HPCA: variants seen among roughly 807,000 people sequenced by gnomAD.
The protein encoded by HPCA is neuron-specific calcium-binding protein hippocalcin.
In HPCA, 4 loss-of-function variants were observed where a neutral mutation model predicts 18.2. The ratio of observed to expected loss-of-function variants is 0.22; its 90% CI spans 0.11 to 0.50. HPCA has a LOEUF of 0.50. Among genes scored for constraint, HPCA ranks in the 20% least tolerant of loss-of-function variants. The pLI, the probability that HPCA is intolerant of heterozygous loss-of-function variation, is 0.97. For synonymous variants in HPCA, 93 were observed against 103.5 expected (o/e 0.90, Z 0.61); for missense variants, 161 against 265.8 (o/e 0.61, Z 2.74).
At chr1:32,892,586 C>T (rs973702459) in intron 2 of HPCA, among the ~76,000 whole-genome samples, 63 of 152,082 alleles carry the variant, frequency 4.1e-4, no homozygotes, top group Non-Finnish European at 6.8e-4. Context: ...AGGCTGGGGA[C>T]GTAACAGTGG....
intron 2 of HPCA, among the ~76,000 whole-genome samples, chr1:32,892,917 C>G (rs1022780070): frequency 4.6e-5 from 7 of 152,310 alleles, no homozygotes; most frequent in Admixed American, 3.9e-4. Context: ...CTCTGCCCAG[C>G]CCAGCCTAGC....
At position 32,893,983 on chromosome 1, in the gene HPCA, C is replaced by T; in HGVS notation, c.*121C>T. On this transcript the variant is annotated 3_prime_UTR_variant, in exon 4 of 4. Coordinates refer to ENST00000373467, the MANE Select transcript of HPCA (RefSeq NM_002143.3). The surrounding 1 kb of genome is among the most constrained non-coding windows in gnomAD (Gnocchi z 7.5). ...GGGGAAGCCCTTCTCCCCGGGTCTGCCCTGTGGGGGGCTTCCGGAAAAGGG... is the reference window on the plus strand; with the variant it reads ...GGGGAAGCCCTTCTCCCCGGGTCTGTCCTGTGGGGGGCTTCCGGAAAAGGG... 1 of 770,110 alleles carries T rather than the reference C, an allele frequency of 1.3e-6. No homozygotes were observed. The highest frequency in any genetic ancestry group is 2.6e-5 in the Admixed American group (1 of 39,134). 47.7% of individuals were successfully genotyped at this position (770,110 alleles called of 1,614,324 possible).
rs2124032376 is a variant in HPCA, at chr1:32,893,950, GC to G, written c.*90del. On this transcript the variant is annotated 3_prime_UTR_variant, in exon 4 of 4. Transcript: ENST00000373467. This position sits in a 1 kb window ranked among gnomAD's most constrained non-coding sequence, Gnocchi z 7.5. Reference sequence around the variant, plus strand: ...TCCCTTGTGTGTATTCTGGCTGGGGGCCAGATTGGGGAAGCCCTTCTCCCCG... The same window carrying G: ...TCCCTTGTGTGTATTCTGGCTGGGGGCAGATTGGGGAAGCCCTTCTCCCCG... 4.0e-6 allele frequency: 4 copies of G among 1,008,918 alleles called. No homozygotes were observed. The East Asian group carries it at 1.1e-4, about 27-fold the overall frequency. The allele number at this position is 1,008,918 out of a possible 1,614,324, so 62.5% of individuals were successfully genotyped here.
At chr1:32,887,870 G>T (rs1641396180) in intron 1 of HPCA, among the ~76,000 whole-genome samples, 1 of 152,026 alleles carries the variant, frequency 6.6e-6, no homozygotes, top group Non-Finnish European at 1.5e-5. Context: ...ATTCGTGTGA[G>T]TTGTGGAGCA....
chr1:32,892,663 A>G (rs981222539), intron 2 of HPCA, among the ~76,000 whole-genome samples: 6 of 152,194 alleles, frequency 3.9e-5, no homozygotes, highest in Non-Finnish European at 8.8e-5. Flanking sequence ...AGAGGCTGGA[A>G]GAGACCAGTG....
rs556825680 is a variant in HPCA at position 32,887,770 on chromosome 1, C to G, written c.-21-1108C>G. On this transcript the variant is annotated intron_variant, in intron 1 of 3. Transcript: ENST00000373467. ...TGAGAGGTGTCGGCATGCGAGTTGG[C>G]GTGTGATGGCATGTGTGAGACATGT... Among the ~76,000 whole-genome samples, 8 of 152,188 alleles carry G rather than the reference C, an allele frequency of 5.3e-5. No homozygotes were observed. The East Asian group carries it at 1.2e-3, about 22-fold the overall frequency.
chr1:32,890,055 G>T (rs1475633820), intron 2 of HPCA, among the ~76,000 whole-genome samples: 1 of 152,238 alleles, frequency 6.6e-6, no homozygotes. Flanking sequence ...TATGAGCCTA[G>T]CATTGAGTGA....
chr1:32,893,850 C>T lies in HPCA; in HGVS notation c.570C>T (p.Ala190=). ...VRLLQCDPSS[A]SQF ...TGCTGCAGTGCGACCCCAGCAGCGCCTCCCAGTTCTGAGAGGAGCCAGGTT... is the reference window on the plus strand; with the variant it reads ...TGCTGCAGTGCGACCCCAGCAGCGCTTCCCAGTTCTGAGAGGAGCCAGGTT... Residue 190 remains alanine (A), a synonymous_variant, in exon 4 of 4, where the codon GCC becomes GCT. Transcript: ENST00000373467. The surrounding 1 kb of genome is among the most constrained non-coding windows in gnomAD (Gnocchi z 7.5). 1 of 1,569,124 alleles carries T rather than the reference C, an allele frequency of 6.4e-7. No individual in the cohort carries two copies. Among genetic ancestry groups the T allele is most frequent in the African/African-American group, 1.4e-5 (1 of 73,616 alleles).
chr1:32,890,734 T>C (rs1326637182), intron 2 of HPCA, among the ~76,000 whole-genome samples: 1 of 152,210 alleles, frequency 6.6e-6, no homozygotes, highest in African/African-American at 2.4e-5. Flanking sequence ...TCCCTTCTGG[T>C]CCCTCAGCTC....
rs750301601 is a variant in HPCA, at chr1:32,889,157, A to G, written c.259A>G (p.Ile87Val). 4 of 1,614,268 alleles carry G rather than the reference A, an allele frequency of 2.5e-6. No homozygotes were observed. Among genetic ancestry groups the G allele is most frequent in the Non-Finnish European group, 3.4e-6 (4 of 1,180,048 alleles). ...DGTIDFREFI[I>V]ALSVTSRGRL... ...CACCATAGACTTTCGGGAGTTCATC[A>G]TTGCGCTGAGCGTGACCTCGCGCGG... The change falls in exon 2 of 4, where the codon ATT becomes GTT. Residue 87 changes from isoleucine to valine, a missense_variant. Ile to Val is a conservative substitution (Grantham distance 29). Transcript: ENST00000373467. The surrounding 1 kb of genome is among the most constrained non-coding windows in gnomAD (Gnocchi z 4.6).
In HPCA at chr1:32,894,072, C is replaced by T. The variant is rs1435657173; in HGVS notation, c.*210C>T. ...TAGCACCCCCCAATCCCAGAGGCAA[C>T]AATAGAGACACAGGCTGGGTTGGTC... is the stretch of plus-strand genomic sequence containing the variant. On this transcript the variant is annotated 3_prime_UTR_variant, in exon 4 of 4. Coordinates refer to ENST00000373467, the MANE Select transcript of HPCA (RefSeq NM_002143.3). 2 of 570,198 alleles carry T rather than the reference C, an allele frequency of 3.5e-6. No individual in the cohort carries two copies. Among genetic ancestry groups the T allele is most frequent in the African/African-American group, 3.7e-5 (2 of 53,396 alleles). The allele number at this position is 570,198 out of a possible 1,614,324, so 35.3% of individuals were successfully genotyped here. A position where few individuals can be genotyped will look rare whatever the true frequency, so the allele number is the denominator to read the frequency against.
chr1:32,888,865 C>CT lies in HPCA; in HGVS notation c.-21-11dup, dbSNP rs1641411647. 6.3e-7 allele frequency: 1 copy of CT among 1,585,146 alleles called. No individual in the cohort carries two copies. The highest frequency in any genetic ancestry group is 1.3e-5 in the African/African-American group (1 of 74,654). ...ATCACTCCTCTCTGCCCTTGACCCC[C>CT]TTGGGGACCCAGGTGGGACTTGGCT... On this transcript the variant is annotated splice_polypyrimidine_tract_variant and intron_variant, in intron 1 of 3. Coordinates refer to ENST00000373467, the MANE Select transcript of HPCA (RefSeq NM_002143.3).
intron 2 of HPCA, among the ~76,000 whole-genome samples, chr1:32,890,296 G>A (rs75425953): frequency 0.031 from 4,761 of 152,316 alleles, 90 homozygotes; most frequent in Middle Eastern, 0.11. Flanking sequence ...GACTTCACAA[G>A]GAGATTTAAG....
intron 2 of HPCA, among the ~76,000 whole-genome samples, chr1:32,892,355 T>C (rs1045949444): frequency 1.3e-5 from 2 of 152,282 alleles, no homozygotes; most frequent in South Asian, 4.1e-4. Context: ...GGAACAACCC[T>C]GCAAAGACAT....
chr1:32,886,285 G>A (rs1400187501), upstream of HPCA: 1 of 152,146 alleles, frequency 6.6e-6, no homozygotes, highest in Non-Finnish European at 1.5e-5. This position sits in a 1 kb window ranked among gnomAD's most constrained non-coding sequence, Gnocchi z 7.0. Context: ...CCCTCGAGGG[G>A]GACCGGGGAA....
chr1:32,893,976 G>T lies in HPCA; in HGVS notation c.*114G>T, dbSNP rs1440926668. On this transcript the variant is annotated 3_prime_UTR_variant, in exon 4 of 4. Transcript: ENST00000373467. This position sits in a 1 kb window ranked among gnomAD's most constrained non-coding sequence, Gnocchi z 7.5. ...CCAGATTGGGGAAGCCCTTCTCCCC[G>T]GGTCTGCCCTGTGGGGGGCTTCCGG... 5 of 820,442 alleles carry T rather than the reference G, an allele frequency of 6.1e-6. No individual in the cohort carries two copies. The highest frequency in any genetic ancestry group is 9.6e-6 in the Non-Finnish European group (5 of 518,968). 50.8% of individuals were successfully genotyped at this position (820,442 alleles called of 1,614,324 possible).
chr1:32,889,173 C>A lies in HPCA; in HGVS notation c.275C>A (p.Thr92Asn). The change falls in exon 2 of 4, where the codon ACC becomes AAC. Residue 92 changes from threonine (T) to asparagine (N), a missense_variant. By Grantham distance (65) the Thr-to-Asn change is moderately conservative (BLOSUM62 0). Transcript: ENST00000373467. This position sits in a 1 kb window ranked among gnomAD's most constrained non-coding sequence, Gnocchi z 4.6. ...GAGTTCATCATTGCGCTGAGCGTGA[C>A]CTCGCGCGGCCGCCTGGAGCAGAAG... The part of the protein sequence containing the change: ...FREFIIALSV[T>N]SRGRLEQKLM... 2 of 1,614,278 alleles carry A rather than the reference C, an allele frequency of 1.2e-6. No homozygotes were observed. Among genetic ancestry groups the A allele is most frequent in the Non-Finnish European group, 1.7e-6 (2 of 1,180,054 alleles).
rs748820769 is a variant in HPCA, at chr1:32,893,663, C to G, written c.484+34C>G. ...CAGGGGCGGGACGGGGTGGACGGGGCGGGCGCCTTTCCCTCCCTCCCTCCC... is the reference window on the plus strand; with the variant it reads ...CAGGGGCGGGACGGGGTGGACGGGGGGGGCGCCTTTCCCTCCCTCCCTCCC... On this transcript the variant is annotated intron_variant, in intron 3 of 3. Transcript: ENST00000373467. The surrounding 1 kb of genome is among the most constrained non-coding windows in gnomAD (Gnocchi z 7.5). 17 of 1,488,784 alleles carry G rather than the reference C, an allele frequency of 1.1e-5. No homozygotes were observed. The Admixed American group carries it at 1.9e-4, about 16-fold the overall frequency. The allele number at this position is 1,488,784 out of a possible 1,614,324, so 92.2% of individuals were successfully genotyped here.
chr1:32,891,113 G>A (rs1264227598), intron 2 of HPCA, among the ~76,000 whole-genome samples: 1 of 152,254 alleles, frequency 6.6e-6, no homozygotes, highest in Non-Finnish European at 1.5e-5. Context: ...CCGGGTGTCA[G>A]TCAAGCTAGA....
Sources: gnomAD v4.1 joint callset for allele counts (sites outside exome capture counted in the v4.1 genomes callset) on GRCh38, gnomAD v4.1.1 for gene constraint, Gnocchi (gnomAD v3.1) non-coding constraint, MANE v1.5 for transcripts, NCBI Gene and HGNC (gene_info 2026-07-23, HGNC 2026-07-21) for gene names.